Variants in NRG1 observed in about 807,000 individuals in gnomAD.
NRG1 encodes neuregulin 1, also known as pro-neuregulin-1, membrane-bound isoform.
In NRG1, 18 loss-of-function variants were observed where a neutral mutation model predicts 63.8. The observed-to-expected ratio is 0.28, with a 90% confidence interval of 0.19 to 0.42. The LOEUF is 0.42. NRG1 is among the 10% of genes least tolerant of loss of function. The pLI is 1.00. For missense variants in NRG1, 762 were observed against 814.7 expected (o/e 0.94, Z 0.79); for synonymous variants, 302 against 301.3 (o/e 1.00, Z -0.02).
At position 31,908,718 on chromosome 8, in the gene NRG1, TATA is replaced by T. The variant is rs530222339; in HGVS notation, c.37+269291_37+269293del. ...AAAATATTATATCATCAAAATATTG[TATA>T]ATATCTGTGTATTACTTTTTGTATT... On this transcript the variant is annotated intron_variant, in intron 1 of 10. Transcript: ENST00000519301. Among the ~76,000 whole-genome samples, 576 of 152,348 alleles carry T rather than the reference TATA, an allele frequency of 3.8e-3. 1 individual carries two copies. The highest frequency in any genetic ancestry group is 0.024 in the Middle Eastern group (7 of 294).
At chr8:32,054,227 A>C (rs1031922107) in intron 1 of NRG1, among the ~76,000 whole-genome samples, 7 of 152,188 alleles carry the variant, frequency 4.6e-5, no homozygotes, top group African/African-American at 1.7e-4. Context: ...CTCACGGCAT[A>C]ACTCTGTGTC....
At chr8:31,960,862 C>G (rs1805329654) in intron 1 of NRG1, among the ~76,000 whole-genome samples, 1 of 152,146 alleles carries the variant, frequency 6.6e-6, no homozygotes, top group Non-Finnish European at 1.5e-5. Context: ...GATTTAATAA[C>G]CATAACAAAA....
At chr8:31,673,357 C>T (rs1230872991) in intron 1 of NRG1, among the ~76,000 whole-genome samples, 1 of 152,162 alleles carries the variant, frequency 6.6e-6, no homozygotes, top group Non-Finnish European at 1.5e-5. Flanking sequence ...AAGATCATTG[C>T]TGCTTTACCC....
chr8:32,475,195 G>A (rs1374339058), intron 1 of NRG1, among the ~76,000 whole-genome samples: 1 of 151,968 alleles, frequency 6.6e-6, no homozygotes, highest in Non-Finnish European at 1.5e-5. Flanking sequence ...GGCCAGGCAC[G>A]CTGGCTCACG....
intron 1 of NRG1, among the ~76,000 whole-genome samples, chr8:31,645,437 C>T (rs1804198122): frequency 6.6e-6 from 1 of 152,162 alleles, no homozygotes; most frequent in African/African-American, 2.4e-5. Flanking sequence ...TGCTGTAGTG[C>T]ACTTCAAGTA....
At chr8:32,014,953 T>G (rs35848976) in intron 1 of NRG1, among the ~76,000 whole-genome samples, 1 of 151,838 alleles carries the variant, frequency 6.6e-6, no homozygotes. Flanking sequence ...CACCAAAGAT[T>G]GCCAGCAAAT....
intron 7 of NRG1, chr8:32,749,421 C>T (rs1828233800): frequency 1.2e-6 from 1 of 867,192 alleles, no homozygotes; most frequent in African/African-American, 1.7e-5. Flanking sequence ...TTCTTAACCA[C>T]ACACCATTTG....
chr8:32,700,128 T>C (rs1476391853), intron 5 of NRG1, among the ~76,000 whole-genome samples: 3 of 152,194 alleles, frequency 2.0e-5, no homozygotes, highest in Admixed American at 6.5e-5. Context: ...AAGTTATTTT[T>C]TAAGCAGATG....
chr8:31,783,067 G>C (rs1011518830), intron 1 of NRG1, among the ~76,000 whole-genome samples: 3 of 152,146 alleles, frequency 2.0e-5, no homozygotes, highest in Non-Finnish European at 4.4e-5. Context: ...AACTATGCAT[G>C]GTTGTTCTGT....
intron 1 of NRG1, among the ~76,000 whole-genome samples, chr8:31,998,160 C>T (rs1260534134): frequency 6.6e-6 from 1 of 151,944 alleles, no homozygotes; most frequent in African/African-American, 2.4e-5. Context: ...CATTGGGTAA[C>T]ACAAGGTGAA....
intron 1 of NRG1, among the ~76,000 whole-genome samples, chr8:31,762,059 A>G (rs1817616625): frequency 6.6e-6 from 1 of 152,230 alleles, no homozygotes. Flanking sequence ...TGAGTTAAAA[A>G]TGTGTCCTTG....
chr8:32,712,193 A>T (rs762327276), intron 5 of NRG1, among the ~76,000 whole-genome samples: 1 of 152,156 alleles, frequency 6.6e-6, no homozygotes, highest in African/African-American at 2.4e-5. Context: ...TCCGATTTTC[A>T]TGCTTCTGGG....
At chr8:32,735,644 T>A (rs1206133694) in intron 6 of NRG1, among the ~76,000 whole-genome samples, 1 of 152,008 alleles carries the variant, frequency 6.6e-6, no homozygotes, top group African/African-American at 2.4e-5. Flanking sequence ...GACGTGGAGA[T>A]GTATGGGATG....
chr8:32,653,958 G>A (rs1050166638), intron 5 of NRG1, among the ~76,000 whole-genome samples: 4 of 131,894 alleles, frequency 3.0e-5, no homozygotes, highest in African/African-American at 1.1e-4. Context: ...GTGTGTATGC[G>A]TGTGTGTGTG....
chr8:32,194,899 T>A (rs1319079315), intron 1 of NRG1, among the ~76,000 whole-genome samples: 4 of 152,186 alleles, frequency 2.6e-5, no homozygotes, highest in African/African-American at 9.7e-5. Context: ...TAACATACAT[T>A]TTTATGAAAA....
intron 1 of NRG1, among the ~76,000 whole-genome samples, chr8:32,147,370 T>A (rs1203730964): frequency 6.6e-6 from 1 of 152,214 alleles, no homozygotes; most frequent in Admixed American, 6.5e-5. Flanking sequence ...TAAATGTCAA[T>A]ACAGGAATAG....
intron 1 of NRG1, among the ~76,000 whole-genome samples, chr8:31,830,323 T>A (rs1824988574): frequency 1.2e-5 from 1 of 83,482 alleles, no homozygotes. Flanking sequence ...CCTTCCTTCC[T>A]TCCTTCCTTC....
intron 1 of NRG1, among the ~76,000 whole-genome samples, chr8:32,560,789 G>A (rs116569526): frequency 1.6e-3 from 249 of 152,264 alleles, no homozygotes; most frequent in African/African-American, 5.8e-3. Flanking sequence ...TGTTACATTT[G>A]TTTTTGAGTA....
At chr8:31,855,446 T>G (rs534689793) in intron 1 of NRG1, among the ~76,000 whole-genome samples, 1 of 152,280 alleles carries the variant, frequency 6.6e-6, no homozygotes, top group African/African-American at 2.4e-5. Flanking sequence ...CCTGCCTTTT[T>G]TTGTTTCCCA....
Sources: allele counts gnomAD v4.1 joint callset (sites outside exome capture counted in the v4.1 genomes callset), GRCh38; gene constraint gnomAD v4.1.1; transcripts MANE v1.5; gene names NCBI Gene and HGNC (gene_info 2026-07-23, HGNC 2026-07-21).